VPS13B: variants seen among roughly 807,000 people sequenced by gnomAD.
VPS13B encodes intermembrane lipid transfer protein VPS13B.
Under a neutral mutation model 426.4 loss-of-function variants are expected in VPS13B, and 285 were observed. The observed-to-expected ratio is 0.67, with a 90% CI of 0.61 to 0.74. The LOEUF (loss-of-function observed/expected upper bound fraction) is 0.74. Ranked by LOEUF, VPS13B falls within the 30% of genes least tolerant of loss-of-function variation. The probability of loss-of-function intolerance (pLI) is 0.00; values close to 1 mark genes in which losing one functional copy is unlikely to be tolerated. For synonymous variants in VPS13B, 1,676 were observed against 1,676.4 expected (o/e 1.00, Z 0.01); for missense variants, 4,537 against 4,782.6 (o/e 0.95, Z 1.51).
At chr8:99,385,501 T>G (rs771789088) in intron 20 of VPS13B, among the ~76,000 whole-genome samples, 2 of 152,200 alleles carry the variant, frequency 1.3e-5, no homozygotes, top group Non-Finnish European at 2.9e-5. Context: ...TAATTTTATT[T>G]GAAACTTCTG....
chr8:99,624,757 C>T (rs1828531197), intron 33 of VPS13B, among the ~76,000 whole-genome samples: 1 of 150,986 alleles, frequency 6.6e-6, no homozygotes. Flanking sequence ...ACCATTCTGA[C>T]TGCAAGTGTC....
At chr8:99,387,261 A>T (rs1338631666) in intron 20 of VPS13B, among the ~76,000 whole-genome samples, 2 of 151,996 alleles carry the variant, frequency 1.3e-5, no homozygotes, top group East Asian at 3.9e-4. Flanking sequence ...TCTGTTGCCC[A>T]GGCTGAAGTG....
intron 25 of VPS13B, among the ~76,000 whole-genome samples, chr8:99,497,336 A>G (rs1203470750): frequency 6.9e-6 from 1 of 145,724 alleles, no homozygotes; most frequent in Non-Finnish European, 1.5e-5. Flanking sequence ...ATATACACAT[A>G]AAATACATAT....
intron 16 of VPS13B, among the ~76,000 whole-genome samples, chr8:99,175,335 G>A (rs1812571973): frequency 6.6e-6 from 1 of 151,988 alleles, no homozygotes; most frequent in South Asian, 2.1e-4. Flanking sequence ...TTTGAGATTT[G>A]TAACAATTTG....
intron 19 of VPS13B, among the ~76,000 whole-genome samples, chr8:99,372,068 G>A (rs1368197797): frequency 2.6e-5 from 4 of 151,650 alleles, no homozygotes; most frequent in East Asian, 1.9e-4. Flanking sequence ...TGGCTAACAC[G>A]GTGAAACCCC....
chr8:99,820,066 G>A lies in VPS13B; in HGVS notation c.8938G>A (p.Glu2980Lys). ...ATGGGACCTCTGGCTATTTGAAGGA[G>A]AGAAAATTGTTCTACAGGTTCCTGC... Reference protein sequence around the residue: ...SKWDLWLFEGEKIVLQVPAGK... With the variant: ...SKWDLWLFEGKKIVLQVPAGK... Residue 2980 changes from glutamate (E) to lysine (K), a missense_variant, in exon 49 of 62, where the codon GAG (glutamate) becomes AAG (lysine). Glu to Lys is a moderately conservative substitution (Grantham distance 56). This residue lies in a region of VPS13B where 4,311 missense variants were observed against 4,474.3 expected (regional missense o/e 0.96). Transcript: ENST00000357162. 2.5e-6 allele frequency: 4 copies of A among 1,613,980 alleles called. No individual in the cohort carries two copies. Among genetic ancestry groups the A allele is most frequent in the Non-Finnish European group, 3.4e-6 (4 of 1,179,886 alleles).
At chr8:99,096,038 A>G (rs1176540955) in intron 3 of VPS13B, among the ~76,000 whole-genome samples, 1 of 152,168 alleles carries the variant, frequency 6.6e-6, no homozygotes. Context: ...AGCCATAAAT[A>G]AGAATTCTTT....
chr8:99,737,089 C>A (rs1406343937), intron 39 of VPS13B, among the ~76,000 whole-genome samples: 1 of 130,888 alleles, frequency 7.6e-6, no homozygotes, highest in Non-Finnish European at 1.6e-5. Context: ...TTCAGGAAAG[C>A]CTTTGAAGAT....
chr8:99,338,166 A>G (rs1162333050), intron 19 of VPS13B, among the ~76,000 whole-genome samples: 1 of 152,140 alleles, frequency 6.6e-6, no homozygotes, highest in Non-Finnish European at 1.5e-5. Context: ...AAGATTATAT[A>G]AAGTACTATG....
intron 58 of VPS13B, among the ~76,000 whole-genome samples, chr8:99,863,653 T>C (rs1028415926): frequency 6.6e-6 from 1 of 152,178 alleles, no homozygotes; most frequent in Non-Finnish European, 1.5e-5. Flanking sequence ...ATCAGTTGTG[T>C]GAGGAGTCAC....
chr8:99,778,539 C>T, intron 41 of VPS13B, 143 bp from the exon 42 acceptor site: 1 of 777,652 alleles, frequency 1.3e-6, no homozygotes, highest in Non-Finnish European at 2.2e-6. Context: ...ATAATATCTT[C>T]AATAAATAAT....
At chr8:99,115,627 A>G (rs1847618235) in intron 6 of VPS13B, 73 bp from the exon 7 acceptor site, 2 of 1,480,182 alleles carry the variant, frequency 1.4e-6, no homozygotes, top group Non-Finnish European at 1.9e-6. Context: ...AAAGACTTTA[A>G]AACATTTCTT....
intron 3 of VPS13B, among the ~76,000 whole-genome samples, chr8:99,051,512 G>A (rs1485342028): frequency 2.6e-5 from 4 of 152,034 alleles, no homozygotes; most frequent in Non-Finnish European, 1.5e-5. Flanking sequence ...TGGCAGTGCA[G>A]GCTCTTTTTT....
intron 23 of VPS13B, among the ~76,000 whole-genome samples, chr8:99,453,770 G>A (rs963399980): frequency 6.6e-6 from 1 of 152,002 alleles, no homozygotes; most frequent in African/African-American, 2.4e-5. Flanking sequence ...AAATTGAGAG[G>A]AGGAGACAGA....
At chr8:99,013,566 C>T (rs961387377) in intron 1 of VPS13B, among the ~76,000 whole-genome samples, 194 bp from the exon 2 acceptor site, 2 of 152,332 alleles carry the variant, frequency 1.3e-5, no homozygotes, top group African/African-American at 2.4e-5. Context: ...TCCTCCCTCA[C>T]TTCGCTTGGC....
intron 35 of VPS13B, among the ~76,000 whole-genome samples, chr8:99,683,442 T>C (rs1052325613): frequency 6.6e-6 from 1 of 152,212 alleles, no homozygotes; most frequent in African/African-American, 2.4e-5. Flanking sequence ...GAAACTGATA[T>C]ATTTACTATG....
intron 19 of VPS13B, among the ~76,000 whole-genome samples, chr8:99,355,608 C>A (rs193004088): frequency 6.6e-6 from 1 of 152,062 alleles, no homozygotes; most frequent in African/African-American, 2.4e-5. Context: ...ACAAACCAAC[C>A]AACAAAAAAC....
In VPS13B at chr8:99,196,532, A is replaced by G. The variant is rs568727538; in HGVS notation, c.2515+3475A>G. ...ACCCAAGCTGGAGTGCAGTGGTGTG[A>G]TCTTGGCTCACTGCAACCTCCACCT... On this transcript the variant is annotated intron_variant, in intron 17 of 61. Coordinates refer to ENST00000357162, the MANE Select transcript of VPS13B (RefSeq NM_152564.5). Among the ~76,000 whole-genome samples the G allele has an allele frequency of 3.7e-5, 5 of 135,248 alleles. No individual in the cohort carries two copies. In the South Asian group the frequency reaches 1.2e-3, roughly 32 times the overall value. 88.7% of individuals were successfully genotyped at this position (135,248 alleles called of 152,430 possible).
At chr8:99,852,067 T>G (rs1816323088) in intron 55 of VPS13B, among the ~76,000 whole-genome samples, 1 of 152,122 alleles carries the variant, frequency 6.6e-6, no homozygotes, top group Admixed American at 6.5e-5. Context: ...GTCAATGGGA[T>G]TTTCCTAATA....
Sources: allele counts gnomAD v4.1 joint callset (sites outside exome capture counted in the v4.1 genomes callset), GRCh38; gene constraint gnomAD v4.1.1; regional missense constraint gnomAD v4.1.1; transcripts MANE v1.5; gene names NCBI Gene and HGNC (gene_info 2026-07-23, HGNC 2026-07-21).